Variants in WDPCP observed in about 807,000 individuals in gnomAD.
The protein encoded by WDPCP is WD repeat containing planar cell polarity effector, also known as WD repeat-containing and planar cell polarity effector protein fritz homolog.
Under a neutral mutation model 93.1 loss-of-function variants are expected in WDPCP, and 71 were observed. That is an observed-to-expected ratio of 0.76 (90% confidence interval 0.63 to 0.93). The LOEUF is 0.93. WDPCP is among the 40% of genes least tolerant of loss of function. WDPCP has a pLI of 0.00. For missense variants in WDPCP, 844 were observed against 887.4 expected, an observed-to-expected ratio of 0.95 and a Z score of 0.62; for synonymous variants, 315 against 315.0, an observed-to-expected ratio of 1.00 and a Z score of 0.00.
chr2:63,325,485 C>T (rs1384584485), intron 12 of WDPCP, among the ~76,000 whole-genome samples: 1 of 152,152 alleles, frequency 6.6e-6, no homozygotes, highest in East Asian at 1.9e-4. Context: ...GTATGGTTAA[C>T]CATTGAGGGC....
chr2:63,826,433 T>C (rs976650797), intron 1 of WDPCP, among the ~76,000 whole-genome samples: 4 of 152,162 alleles, frequency 2.6e-5, no homozygotes, highest in Admixed American at 6.5e-5. Context: ...GAATACTGTG[T>C]CCTATTATAG....
intron 2 of WDPCP, among the ~76,000 whole-genome samples, chr2:63,754,541 A>G (rs1248366174): frequency 6.6e-6 from 1 of 152,232 alleles, no homozygotes; most frequent in African/African-American, 2.4e-5. Context: ...GAAGAAATAG[A>G]ATACAAAGTT....
chr2:63,756,286 A>G (rs1349402657), intron 2 of WDPCP, among the ~76,000 whole-genome samples: 2 of 152,230 alleles, frequency 1.3e-5, no homozygotes, highest in African/African-American at 4.8e-5. Flanking sequence ...TGATAGAAGT[A>G]GCACATTATA....
chr2:63,710,008 A>G (rs923299597), intron 2 of WDPCP, among the ~76,000 whole-genome samples: 2 of 152,228 alleles, frequency 1.3e-5, no homozygotes, highest in Non-Finnish European at 2.9e-5. Flanking sequence ...GCAACTTTTA[A>G]GAAATAAATT....
chr2:63,648,251 A>G (rs911200055), intron 3 of WDPCP, among the ~76,000 whole-genome samples: 2 of 151,988 alleles, frequency 1.3e-5, no homozygotes, highest in African/African-American at 4.8e-5. Flanking sequence ...CAAACTCCTC[A>G]CTATCTAGCC....
chr2:63,676,792 TACAC>T (rs57392701), intron 2 of WDPCP, among the ~76,000 whole-genome samples: 117,780 of 147,378 alleles, frequency 0.8, 47,989 homozygotes, highest in East Asian at 0.98. Flanking sequence ...GAACTACACA[TACAC>T]ACACACACAC....
intron 3 of WDPCP, chr2:63,607,311 G>A (rs1709552294): frequency 6.0e-6 from 1 of 166,400 alleles, no homozygotes; most frequent in Non-Finnish European, 1.3e-5. Context: ...CTTGAGATGG[G>A]TGGATCACCT....
At chr2:63,616,731 G>GA (rs1206845989) in intron 3 of WDPCP, among the ~76,000 whole-genome samples, 5 of 151,726 alleles carry the variant, frequency 3.3e-5, no homozygotes, top group Non-Finnish European at 5.9e-5. Context: ...ACGTGGAGAA[G>GA]AAAAAAATCA....
chr2:63,772,984 A>G (rs1670250711), intron 2 of WDPCP, among the ~76,000 whole-genome samples: 1 of 152,098 alleles, frequency 6.6e-6, no homozygotes, highest in East Asian at 1.9e-4. Flanking sequence ...AGAATGAAAG[A>G]AAAATGATAA....
At position 63,127,246 on chromosome 2, in the gene WDPCP, C is replaced by T. The variant is rs181953489; in HGVS notation, c.2191-5190G>A. Among the ~76,000 whole-genome samples, 1,155 of 151,472 alleles carry T rather than the reference C, an allele frequency of 7.6e-3. 6 individuals carry two copies. The highest frequency in any genetic ancestry group is 0.012 in the Non-Finnish European group (832 of 67,864). On this transcript the variant is annotated intron_variant, in intron 17 of 17. Coordinates refer to ENST00000272321, the MANE Select transcript of WDPCP (RefSeq NM_015910.7). The stretch of plus-strand genomic sequence containing the variant: ...AAGCAATTCTCCTGCCTCAGCCTCC[C>T]GAGTAGCTGAGACTACAGGCATGAG...
chr2:63,743,910 T>A (rs753278936), intron 2 of WDPCP, among the ~76,000 whole-genome samples: 1 of 152,150 alleles, frequency 6.6e-6, no homozygotes, highest in Admixed American at 6.6e-5. Context: ...CATAACTTAA[T>A]GTACAAAACA....
At chr2:63,368,385 G>A (rs1191860618) in intron 12 of WDPCP, among the ~76,000 whole-genome samples, 1 of 151,424 alleles carries the variant, frequency 6.6e-6, no homozygotes, top group Non-Finnish European at 1.5e-5. Context: ...GAGTGCAGTG[G>A]CACAATATCG....
At chr2:63,525,194 T>C (rs1015623903) in intron 1 of WDPCP, among the ~76,000 whole-genome samples, 7 of 152,082 alleles carry the variant, frequency 4.6e-5, no homozygotes, top group South Asian at 2.1e-4. Flanking sequence ...GAGCTAAACA[T>C]TGAGTACATA....
chr2:63,500,026 C>T (rs1701446963), intron 1 of WDPCP, among the ~76,000 whole-genome samples: 1 of 152,218 alleles, frequency 6.6e-6, no homozygotes. Context: ...TCAAAGGACC[C>T]ATGAATACTG....
intron 2 of WDPCP, among the ~76,000 whole-genome samples, chr2:63,810,090 G>A (rs1558916517): frequency 1.3e-5 from 2 of 152,044 alleles, no homozygotes; most frequent in African/African-American, 2.4e-5. Context: ...CAAAAAATAA[G>A]CAATATACAA....
chr2:63,391,310 A>C (rs1158752117), intron 10 of WDPCP, among the ~76,000 whole-genome samples: 1 of 152,228 alleles, frequency 6.6e-6, no homozygotes, highest in African/African-American at 2.4e-5. Context: ...ATCTCAATAG[A>C]TGCAGAAAAG....
chr2:63,213,856 A>C (rs1677063145), intron 14 of WDPCP, among the ~76,000 whole-genome samples: 1 of 152,190 alleles, frequency 6.6e-6, no homozygotes, highest in Non-Finnish European at 1.5e-5. Context: ...CTACACAAAT[A>C]AACTGGAAAA....
At chr2:63,543,216 A>G (rs533883473) in intron 1 of WDPCP, among the ~76,000 whole-genome samples, 1 of 152,264 alleles carries the variant, frequency 6.6e-6, no homozygotes, top group South Asian at 2.1e-4. Flanking sequence ...ATGACTCTGC[A>G]TCTGAGAGAG....
intron 9 of WDPCP, among the ~76,000 whole-genome samples, chr2:63,422,710 A>T (rs182229428): frequency 6.6e-6 from 1 of 152,372 alleles, no homozygotes; most frequent in African/African-American, 2.4e-5. Context: ...ATATGAAATT[A>T]TGTGCCTCCT....
Sources: allele counts gnomAD v4.1 joint callset (sites outside exome capture counted in the v4.1 genomes callset), GRCh38; gene constraint gnomAD v4.1.1; transcripts MANE v1.5; gene names NCBI Gene and HGNC (gene_info 2026-07-23, HGNC 2026-07-21).